The following PTGR3 variants were observed in gnomAD, a reference collection of about 807,000 sequenced individuals.
PTGR3 encodes prostaglandin reductase 3.
At chr18:75,208,763 G>A in the PTGR3 span, 2 of 1,207,410 alleles carry the variant, frequency 1.7e-6, no homozygotes, top group South Asian at 3.0e-5. Flanking sequence ...TGGGCACGCG[G>A]GCGGGCTGGG....
At chr18:75,204,163 G>A in the PTGR3 span, among the ~76,000 whole-genome samples, 1 of 152,250 alleles carries the variant, frequency 6.6e-6, no homozygotes, top group Non-Finnish European at 1.5e-5. Context: ...CGCCTTGGGG[G>A]GACACCCGGG....
chr18:75,204,507 C>T, the PTGR3 span, among the ~76,000 whole-genome samples: 1 of 152,206 alleles, frequency 6.6e-6, no homozygotes, highest in African/African-American at 2.4e-5. Context: ...TTCGCAAGGG[C>T]AAGCGCTGGA....
chr18:75,209,017 G>A, the PTGR3 span: 2 of 1,581,320 alleles, frequency 1.3e-6, no homozygotes, highest in East Asian at 2.4e-5. This position sits in a 1 kb window ranked among gnomAD's most constrained non-coding sequence, Gnocchi z 4.7. Flanking sequence ...CGTACGACAT[G>A]TCCACGATGG....
At chr18:75,202,972 T>A in the PTGR3 span, among the ~76,000 whole-genome samples, 1 of 152,228 alleles carries the variant, frequency 6.6e-6, no homozygotes, top group Non-Finnish European at 1.5e-5. Context: ...GTCGCAAATT[T>A]TCTTTCTGAT....
chr18:75,202,665 C>CAAAAAAAAAA, the PTGR3 span, among the ~76,000 whole-genome samples: 7 of 79,090 alleles, frequency 8.9e-5, no homozygotes, highest in African/African-American at 1.9e-4. Context: ...TAGAAATAAG[C>CAAAAAAAAAA]AAAAAAAAAA....
chr18:75,206,585 C>A, the PTGR3 span, among the ~76,000 whole-genome samples: 2 of 152,178 alleles, frequency 1.3e-5, no homozygotes. Context: ...TTTGCAAGAA[C>A]ACAGGATCTT....
the PTGR3 span, chr18:75,201,141 CAA>C: frequency 4.9e-6 from 2 of 407,906 alleles, no homozygotes; most frequent in South Asian, 8.8e-5. Flanking sequence ...TTCCCTGGAA[CAA>C]TAACATCTGG....
At chr18:75,204,131 C>G in the PTGR3 span, among the ~76,000 whole-genome samples, 1 of 152,278 alleles carries the variant, frequency 6.6e-6, no homozygotes, top group African/African-American at 2.4e-5. Flanking sequence ...AAGGCAGTAG[C>G]CGCTCCTCTG....
chr18:75,201,328 T>G, the PTGR3 span: 3 of 1,188,360 alleles, frequency 2.5e-6, no homozygotes. Flanking sequence ...TTATATCCAT[T>G]ACCAACTAAA....
chr18:75,202,496 T>TA, the PTGR3 span, among the ~76,000 whole-genome samples: 1 of 152,116 alleles, frequency 6.6e-6, no homozygotes, highest in Non-Finnish European at 1.5e-5. Flanking sequence ...GCTGCTCAGA[T>TA]AAAAAAAGAA....
chr18:75,195,122 TTTTC>T, the PTGR3 span: 4 of 152,242 alleles, frequency 2.6e-5, no homozygotes, highest in Non-Finnish European at 4.4e-5. Flanking sequence ...CTCTATTTGA[TTTTC>T]TTTATTTGAT....
chr18:75,206,565 A>G, the PTGR3 span, among the ~76,000 whole-genome samples: 1 of 152,224 alleles, frequency 6.6e-6, no homozygotes, highest in Non-Finnish European at 1.5e-5. Context: ...TGTCACATCC[A>G]CTGACACTGT....
the PTGR3 span, chr18:75,205,286 G>A: frequency 1.0e-6 from 1 of 985,668 alleles, no homozygotes; most frequent in Non-Finnish European, 1.2e-6. Flanking sequence ...TCGGGATGGG[G>A]AGCAGGGGCG....
chr18:75,199,212 A>T, the PTGR3 span: 4 of 152,526 alleles, frequency 2.6e-5, no homozygotes, highest in Non-Finnish European at 5.9e-5. Flanking sequence ...AAACACAATA[A>T]ATTTCTATTC....
At chr18:75,206,054 A>G in the PTGR3 span, among the ~76,000 whole-genome samples, 1 of 152,302 alleles carries the variant, frequency 6.6e-6, no homozygotes, top group South Asian at 2.1e-4. Flanking sequence ...TAACCTGGGG[A>G]TGTCTCTCTC....
the PTGR3 span, chr18:75,200,094 G>A: frequency 6.6e-6 from 1 of 152,200 alleles, no homozygotes; most frequent in Non-Finnish European, 1.5e-5. Flanking sequence ...TACTGAGCAG[G>A]TTAGATACAC....
the PTGR3 span, chr18:75,197,619 T>G: frequency 3.9e-5 from 6 of 152,206 alleles, no homozygotes; most frequent in Non-Finnish European, 8.8e-5. Context: ...GTTTTGATAA[T>G]CCAGTTTTGT....
At chr18:75,199,038 G>A in the PTGR3 span, 1 of 152,624 alleles carries the variant, frequency 6.6e-6, no homozygotes, top group Admixed American at 6.5e-5. Flanking sequence ...ATCTGAATGG[G>A]CGGAATCTTT....
the PTGR3 span, chr18:75,208,573 G>A: frequency 2.9e-6 from 3 of 1,040,444 alleles, no homozygotes; most frequent in East Asian, 1.4e-4. Context: ...GAGGAGGGAG[G>A]GCTGGAGGAG....
Sources: allele counts gnomAD v4.1 joint callset (sites outside exome capture counted in the v4.1 genomes callset), GRCh38; gene constraint gnomAD v4.1.1; non-coding constraint Gnocchi (gnomAD v3.1); transcripts MANE v1.5; gene names NCBI Gene and HGNC (gene_info 2026-07-23, HGNC 2026-07-21).